The following ICE2 variants were observed in gnomAD, a reference collection of about 807,000 sequenced individuals.
The protein encoded by ICE2 is interactor of little elongation complex ELL subunit 2.
A neutral mutation model predicts 105.4 loss-of-function variants in ICE2; 87 were observed. The ratio of observed to expected loss-of-function variants is 0.83; its 90% CI spans 0.69 to 0.99. The LOEUF is 0.99. ICE2 is among the 50% of genes least tolerant of loss of function. The pLI is 0.00. For missense variants in ICE2, 1,323 were observed against 1,146.7 expected (o/e 1.15, Z -2.22); for synonymous variants, 399 against 392.0 (o/e 1.02, Z -0.21).
At chr15:60,459,266 C>T (rs79297250) in intron 5 of ICE2, among the ~76,000 whole-genome samples, 2,255 of 152,060 alleles carry the variant, frequency 0.015, 52 homozygotes, top group African/African-American at 0.051. Flanking sequence ...CTCTAAAACA[C>T]CAAAATTAAA....
In ICE2 at chr15:60,431,984, C is replaced by A; in HGVS notation, c.2511G>T (p.Lys837Asn). 7.1e-7 allele frequency: 1 copy of A among 1,403,188 alleles called. No homozygotes were observed. The highest frequency in any genetic ancestry group is 9.9e-7 in the Non-Finnish European group (1 of 1,005,190). The allele number at this position is 1,403,188 out of a possible 1,614,324, so 86.9% of individuals were successfully genotyped here. Residue 837 changes from lysine (K) to asparagine (N), a missense_variant and splice_region_variant, in exon 14 of 16, where the codon AAG becomes AAT. Physicochemically the swap from Lys to Asn is moderately conservative, Grantham distance 94. Transcript: ENST00000261520. ...GGAGGATGTTAAATAAATTGGAAAT[C>A]CTGATAAACAAAAGAAATTCATGTA... ...EELKEKLSAL[K>N]ISNLFNILQH...
Position 60,456,559 on chromosome 15 carries a change from AT to A in ICE2, c.666+97del, listed in dbSNP as rs1227394355. 5.7e-4 allele frequency: 37 copies of A among 65,356 alleles called. 1 individual carries two copies. The East Asian group carries it at 0.011, about 19-fold the overall frequency. 4.0% of individuals were successfully genotyped at this position (65,356 alleles called of 1,614,324 possible). A position where few individuals can be genotyped will look rare whatever the true frequency, so the allele number is the denominator to read the frequency against. On this transcript the variant is annotated intron_variant, in intron 6 of 15. Coordinates refer to ENST00000261520, the MANE Select transcript of ICE2 (RefSeq NM_024611.6). ...TGTCTCCAAAAAAAAAAATAAATAA[AT>A]AAATAAATATATATATATATATATA...
At chr15:60,429,668 T>A (rs2063413057) in intron 14 of ICE2, among the ~76,000 whole-genome samples, 1 of 152,198 alleles carries the variant, frequency 6.6e-6, no homozygotes, top group Admixed American at 6.5e-5. Flanking sequence ...TATACAGATT[T>A]GCCTATAAAC....
chr15:60,459,776 T>C (rs992586929), intron 5 of ICE2, among the ~76,000 whole-genome samples: 5 of 152,114 alleles, frequency 3.3e-5, no homozygotes, highest in African/African-American at 7.2e-5. Context: ...AACGGAAGTA[T>C]TGACTATAAA....
At chr15:60,440,198 G>C (rs1473992404) in intron 12 of ICE2, 1 of 152,194 alleles carries the variant, frequency 6.6e-6, no homozygotes, top group African/African-American at 2.4e-5. Context: ...TACTTATGTA[G>C]TGATCTGTGG....
At chr15:60,453,451 C>G (rs1476982338) in intron 9 of ICE2, 152 bp downstream of exon 9, 3 of 1,406,620 alleles carry the variant, frequency 2.1e-6, no homozygotes, top group Admixed American at 6.1e-5. Context: ...AAGTTAGTTG[C>G]CTAAAGTCCA....
At chr15:60,423,854 A>T in intron 15 of ICE2, 92 bp from the exon 16 acceptor site, 2 of 1,147,668 alleles carry the variant, frequency 1.7e-6, no homozygotes, top group East Asian at 2.9e-5. Flanking sequence ...TGTATTAACC[A>T]CCTTGCAAAT....
chr15:60,454,862 C>T, intron 8 of ICE2, 141 bp downstream of exon 8: 1 of 664,974 alleles, frequency 1.5e-6, no homozygotes, highest in Non-Finnish European at 2.4e-6. Flanking sequence ...CCTTGCCCCC[C>T]ACCCCCTGAC....
intron 3 of ICE2, among the ~76,000 whole-genome samples, chr15:60,472,448 AAGTT>A (rs933098614): frequency 3.3e-5 from 5 of 152,140 alleles, no homozygotes; most frequent in African/African-American, 4.8e-5. Context: ...TAATAAAACA[AAGTT>A]AGGAAAAAAG....
chr15:60,449,897 C>T lies in ICE2; in HGVS notation c.1126-56G>A, dbSNP rs1595779720. The T allele has an allele frequency of 5.7e-6, 7 of 1,235,840 alleles. No individual in the cohort carries two copies. The East Asian group carries it at 1.2e-4, about 20-fold the overall frequency. The allele number at this position is 1,235,840 out of a possible 1,614,324, so 76.6% of individuals were successfully genotyped here. A position where few individuals can be genotyped will look rare whatever the true frequency, so the allele number is the denominator to read the frequency against. ...AAAAATTTCAAGCCACCCTACCTAT[C>T]TCTTAATGTCCCTATCCCTGTCATA... is the stretch of plus-strand genomic sequence containing the variant. On this transcript the variant is annotated intron_variant, in intron 9 of 15. Transcript: ENST00000261520.
chr15:60,439,975 T>G (rs2063684569), intron 12 of ICE2: 2 of 152,222 alleles, frequency 1.3e-5, no homozygotes, highest in African/African-American at 4.8e-5. Flanking sequence ...AGTATCACCT[T>G]TTGTTTCTTT....
intron 3 of ICE2, among the ~76,000 whole-genome samples, chr15:60,473,143 AT>A (rs2064654286): frequency 6.6e-6 from 1 of 151,978 alleles, no homozygotes; most frequent in Non-Finnish European, 1.5e-5. Flanking sequence ...AGGTCTTGAT[AT>A]GTTGCCCGGG....
rs1056544849 is a variant in ICE2, at chr15:60,455,073, T to C, written c.873A>G (p.Leu291=). The change falls in exon 8 of 16, where the codon TTA becomes TTG. Residue 291 remains leucine, a synonymous_variant. Transcript: ENST00000261520. The part of the protein sequence containing the change: ...ALTSQSLFTL[L]NNHGPTYKEQ... ...CCTTGTACGTTGGTCCATGATTATT[T>C]AATAAGGTAAATAATGACTGACTAG... 1 of 1,602,068 alleles carries C rather than the reference T, an allele frequency of 6.2e-7. No homozygotes were observed. Among genetic ancestry groups the C allele is most frequent in the African/African-American group, 1.3e-5 (1 of 74,312 alleles).
chr15:60,445,969 ATTAG>A lies in ICE2; in HGVS notation c.2295+1997_2295+2000del, dbSNP rs558294538. Among the ~76,000 whole-genome samples, 157 of 152,356 alleles carry A rather than the reference ATTAG, an allele frequency of 1.0e-3. 1 individual carries two copies. Among genetic ancestry groups the A allele is most frequent in the African/African-American group, 3.0e-3 (126 of 41,588 alleles). On this transcript the variant is annotated intron_variant, in intron 11 of 15. Transcript: ENST00000261520. ...GTTCAAGCTTATGGTTATTAAGTTT[ATTAG>A]TTAACACAGATGAGGCAGGAAAAAT...
intron 5 of ICE2, 92 bp downstream of exon 5, chr15:60,466,502 T>C: frequency 6.9e-7 from 1 of 1,448,892 alleles, no homozygotes; most frequent in Non-Finnish European, 9.4e-7. Flanking sequence ...CACTGACAGT[T>C]CCGAATGCTT....
chr15:60,442,257 T>C (rs1008481696), intron 12 of ICE2, 159 bp downstream of exon 12: 25 of 609,526 alleles, frequency 4.1e-5, no homozygotes, highest in Non-Finnish European at 6.5e-5. Context: ...CACATGACTA[T>C]ACTCCAGCCT....
chr15:60,439,259 A>T (rs1228126485), intron 12 of ICE2: 1 of 152,264 alleles, frequency 6.6e-6, no homozygotes, highest in Non-Finnish European at 1.5e-5. Flanking sequence ...AAAATATTTT[A>T]GTACACTGTA....
chr15:60,452,457 T>C (rs2063988177), intron 9 of ICE2: 1 of 180,182 alleles, frequency 5.5e-6, no homozygotes, highest in South Asian at 1.9e-4. Flanking sequence ...ACGTACTCTA[T>C]TTTTCTCCAT....
rs1252144873 is a variant in ICE2 at position 60,448,055 on chromosome 15, A to T, written c.2210T>A (p.Leu737Gln). The part of the protein sequence containing the change: ...EGNFVYKLFS[L>Q]QDLLLLVRCS... ...GCGTACGAGTAACAACAGGTCTTGC[A>T]GGCTAAATAACTTATAAACAAAATT... The change falls in exon 11 of 16, where the codon CTG becomes CAG. Residue 737 changes from leucine to glutamine, a missense_variant. By Grantham distance (113) the Leu-to-Gln change is moderately radical. Coordinates refer to ENST00000261520, the MANE Select transcript of ICE2 (RefSeq NM_024611.6). The T allele has an allele frequency of 6.2e-7, 1 of 1,613,794 alleles. No individual in the cohort carries two copies. The highest frequency in any genetic ancestry group is 8.5e-7 in the Non-Finnish European group (1 of 1,179,684).
Sources: allele counts gnomAD v4.1 joint callset (sites outside exome capture counted in the v4.1 genomes callset), GRCh38; gene constraint gnomAD v4.1.1; transcripts MANE v1.5; gene names NCBI Gene and HGNC (gene_info 2026-07-23, HGNC 2026-07-21).